The following UPP2 variants were observed in gnomAD, a reference collection of about 807,000 sequenced individuals.
UPP2 encodes UPase 2.
UPP2 carries 23 observed loss-of-function variants against 26.7 expected under a neutral mutation model. The ratio of observed to expected loss-of-function variants is 0.86; its 90% CI spans 0.62 to 1.22. The LOEUF (loss-of-function observed/expected upper bound fraction) is 1.22, where lower values mean the gene tolerates loss of function less well. Among genes scored for constraint, UPP2 ranks in the 50% most tolerant of loss-of-function variants. UPP2 has a pLI of 0.00. For synonymous variants in UPP2, 127 were observed against 141.3 expected (o/e 0.90, Z 0.72); for missense variants, 387 against 396.7 (o/e 0.98, Z 0.21).
chr2:158,115,052 G>A (rs1380999207), intron 2 of UPP2, 49 bp from the exon 3 acceptor site: 2 of 1,522,654 alleles, frequency 1.3e-6, no homozygotes, highest in East Asian at 2.3e-5. Context: ...CTGACCCGTG[G>A]TTCTTATCCC....
chr2:158,113,452 T>G (rs2105220408), intron 2 of UPP2, among the ~76,000 whole-genome samples: 1 of 152,330 alleles, frequency 6.6e-6, no homozygotes, highest in Admixed American at 6.5e-5. Flanking sequence ...GCTACCAGTC[T>G]TTATGGCAGA....
At chr2:158,083,084 A>G (rs1260357824) in intron 3 of UPP2, among the ~76,000 whole-genome samples, 2 of 152,198 alleles carry the variant, frequency 1.3e-5, no homozygotes, top group Non-Finnish European at 2.9e-5. Flanking sequence ...GCGGAGAAAC[A>G]GGAATGCTTT....
intron 3 of UPP2, among the ~76,000 whole-genome samples, chr2:158,019,236 G>C (rs560981981): frequency 1.3e-5 from 2 of 152,174 alleles, no homozygotes; most frequent in Non-Finnish European, 1.5e-5. Flanking sequence ...AGTCAAGATG[G>C]TGGATTAGCA....
At chr2:158,040,474 A>C (rs2105163343) in intron 3 of UPP2, among the ~76,000 whole-genome samples, 1 of 152,322 alleles carries the variant, frequency 6.6e-6, no homozygotes, top group African/African-American at 2.4e-5. Context: ...AATGTGCTGG[A>C]TAAATTTAGG....
intron 2 of UPP2, among the ~76,000 whole-genome samples, chr2:158,114,764 A>C (rs1683389120): frequency 6.6e-6 from 1 of 152,204 alleles, no homozygotes; most frequent in African/African-American, 2.4e-5. Flanking sequence ...AGCATATGTC[A>C]TGGTAATGCT....
intron 3 of UPP2, among the ~76,000 whole-genome samples, chr2:158,094,501 G>A (rs553598416): frequency 1.3e-5 from 2 of 152,268 alleles, no homozygotes; most frequent in South Asian, 2.1e-4. Context: ...ACATGCCTAA[G>A]GTGAAGCATT....
At chr2:158,059,933 C>G (rs553563249) in intron 3 of UPP2, among the ~76,000 whole-genome samples, 1 of 152,250 alleles carries the variant, frequency 6.6e-6, no homozygotes, top group African/African-American at 2.4e-5. Context: ...CTAATCTCAT[C>G]AAGATGTTGG....
In UPP2 at chr2:158,088,544, T is replaced by A; in HGVS notation, c.148-13496T>A. Among the ~76,000 whole-genome samples the A allele has an allele frequency of 2.0e-5, 3 of 152,304 alleles. No homozygotes were observed. In the Middle Eastern group the frequency reaches 0.01, roughly 518 times the overall value. ...GTGAGCCAGTGTGATCTTTTAGGGGTGTTAAAGAACCTTGTTTGTCATATT... is the reference window on the plus strand; with the variant it reads ...GTGAGCCAGTGTGATCTTTTAGGGGAGTTAAAGAACCTTGTTTGTCATATT... On this transcript the variant is annotated intron_variant, in intron 3 of 9. Coordinates refer to the UPP2 transcript ENST00000605860.
At chr2:158,088,055 G>A (rs983368187) in intron 3 of UPP2, among the ~76,000 whole-genome samples, 1 of 152,174 alleles carries the variant, frequency 6.6e-6, no homozygotes, top group African/African-American at 2.4e-5. Context: ...GAAGTGTTCT[G>A]TAATTATTCT....
At chr2:158,103,117 T>G (rs1683109485) in intron 1 of UPP2, among the ~76,000 whole-genome samples, 1 of 152,192 alleles carries the variant, frequency 6.6e-6, no homozygotes, top group African/African-American at 2.4e-5. Context: ...AAAACTACAT[T>G]CATATTGGGT....
intron 4 of UPP2, 49 bp from the exon 5 acceptor site, chr2:158,121,360 G>C: frequency 6.5e-7 from 1 of 1,543,906 alleles, no homozygotes. Context: ...TGTGTCAAAA[G>C]TAAACTCTAA....
rs372664262 is a variant in UPP2, at chr2:158,093,062, A to G, written c.148-8978A>G. Among the ~76,000 whole-genome samples the G allele has an allele frequency of 3.3e-4, 50 of 152,168 alleles. 2 individuals carry two copies. In the East Asian group the frequency reaches 7.7e-3, roughly 24 times the overall value. ...CAGCCTCCCCAGAAGTAGGGACTACAGGTGCACGCCATCATGACTGGCTAA... is the reference window on the plus strand; with the variant it reads ...CAGCCTCCCCAGAAGTAGGGACTACGGGTGCACGCCATCATGACTGGCTAA... On this transcript the variant is annotated intron_variant, in intron 3 of 9. Transcript: ENST00000605860.
chr2:158,055,583 T>C (rs1682234573), intron 3 of UPP2, among the ~76,000 whole-genome samples: 1 of 152,178 alleles, frequency 6.6e-6, no homozygotes, highest in Non-Finnish European at 1.5e-5. Context: ...CTAAAAGTAT[T>C]CCCATAACAT....
chr2:158,120,128 G>A (rs1364455260), intron 4 of UPP2, among the ~76,000 whole-genome samples: 1 of 151,938 alleles, frequency 6.6e-6, no homozygotes, highest in Non-Finnish European at 1.5e-5. Context: ...TTGTAATTAA[G>A]TCTACTTTGA....
Position 158,085,639 on chromosome 2 carries a change from T to C in UPP2, c.148-16401T>C, listed in dbSNP as rs188943573. On this transcript the variant is annotated intron_variant, in intron 3 of 9. Coordinates refer to the UPP2 transcript ENST00000605860. ...ATCGGTATAATGTTGGCTGTGGGTT[T>C]GTCATAGATGGCTTTTATTACATTG... 4.0e-3 allele frequency among the ~76,000 whole-genome samples: 604 copies of C among 152,316 alleles called. 6 individuals are homozygous for C. Among genetic ancestry groups the C allele is most frequent in the African/African-American group, 0.014 (564 of 41,578 alleles).
At chr2:158,024,383 G>A (rs115015877) in intron 3 of UPP2, among the ~76,000 whole-genome samples, 33 of 152,128 alleles carry the variant, frequency 2.2e-4, no homozygotes, top group Admixed American at 2.2e-3. Flanking sequence ...AGCAGGATTG[G>A]GATGTAAACT....
At chr2:158,046,034 A>G (rs73003278) in intron 3 of UPP2, among the ~76,000 whole-genome samples, 9,153 of 152,264 alleles carry the variant, frequency 0.06, 831 homozygotes, top group African/African-American at 0.2. Flanking sequence ...CAGACATCAC[A>G]TTGACAGAGA....
At chr2:158,005,930 C>G (rs1434163421) in intron 2 of UPP2, among the ~76,000 whole-genome samples, 3 of 152,096 alleles carry the variant, frequency 2.0e-5, no homozygotes, top group Admixed American at 2.0e-4. Context: ...AGCAAATAAG[C>G]TTCTCTCCTT....
intron 2 of UPP2, among the ~76,000 whole-genome samples, chr2:157,996,018 C>T (rs1004457276): frequency 1.3e-5 from 2 of 152,182 alleles, no homozygotes; most frequent in Non-Finnish European, 2.9e-5. Context: ...AGTCCCAGCT[C>T]AATGTGGGAA....
Sources: gnomAD v4.1 joint callset for allele counts (sites outside exome capture counted in the v4.1 genomes callset) on GRCh38, gnomAD v4.1.1 for gene constraint, MANE v1.5 for transcripts, NCBI Gene and HGNC (gene_info 2026-07-23, HGNC 2026-07-21) for gene names.